Variants in EDIL3 observed in about 807,000 individuals in gnomAD.
EDIL3 encodes EGF-like repeat and discoidin I-like domain-containing protein 3.
In EDIL3, 37 loss-of-function variants were observed where a neutral mutation model predicts 67.4. That is an observed-to-expected ratio of 0.55 (90% CI 0.42 to 0.72). The LOEUF is 0.72. Among genes scored for constraint, EDIL3 ranks in the 30% least tolerant of loss-of-function variants. EDIL3 has a pLI of 0.00. For missense variants in EDIL3, 527 were observed against 586.3 expected, an observed-to-expected ratio of 0.90 and a Z score of 1.04; for synonymous variants, 195 against 196.3, an observed-to-expected ratio of 0.99 and a Z score of 0.05.
chr5:84,217,229 CCT>C (rs974055405), intron 3 of EDIL3, among the ~76,000 whole-genome samples: 2 of 150,984 alleles, frequency 1.3e-5, no homozygotes, highest in African/African-American at 4.9e-5. Flanking sequence ...ATTAAAGAAA[CCT>C]CTAAGTCTGC....
At chr5:84,357,989 T>C (rs1168927467) in intron 1 of EDIL3, among the ~76,000 whole-genome samples, 1 of 150,804 alleles carries the variant, frequency 6.6e-6, no homozygotes, top group Non-Finnish European at 1.5e-5. Context: ...CTGGAGAGAA[T>C]TAGTGGTAGT....
intron 1 of EDIL3, among the ~76,000 whole-genome samples, chr5:84,302,976 A>C (rs1021959392): frequency 1.3e-5 from 2 of 152,198 alleles, no homozygotes; most frequent in African/African-American, 4.8e-5. Flanking sequence ...AATCAGAGAG[A>C]GATAGGTAGC....
rs901626758 is a variant in EDIL3, at chr5:84,189,264, G to A, written c.227-8743C>T. Among the ~76,000 whole-genome samples, 7 of 151,972 alleles carry A rather than the reference G, an allele frequency of 4.6e-5. No homozygotes were observed. The East Asian group carries it at 1.4e-3, about 30-fold the overall frequency. ...TTGGGTAGCCAGGGGACATCAAGGA[G>A]AGCCTAGCACTGCATGATAGGAGGA... On this transcript the variant is annotated intron_variant, in intron 3 of 10. Coordinates refer to ENST00000296591, the MANE Select transcript of EDIL3 (RefSeq NM_005711.5).
intron 3 of EDIL3, among the ~76,000 whole-genome samples, chr5:84,204,804 TAAAAA>T (rs11322668): frequency 1.4e-5 from 2 of 138,384 alleles, no homozygotes; most frequent in Non-Finnish European, 3.1e-5. Flanking sequence ...GGCCAATATT[TAAAAA>T]AAAAAAAAAA....
chr5:84,323,287 G>A (rs1039856749), intron 1 of EDIL3, among the ~76,000 whole-genome samples: 1 of 152,014 alleles, frequency 6.6e-6, no homozygotes, highest in African/African-American at 2.4e-5. Flanking sequence ...AACTAAAGTG[G>A]TGATGACTAC....
intron 1 of EDIL3, among the ~76,000 whole-genome samples, chr5:84,322,377 A>T (rs1746666850): frequency 6.6e-6 from 1 of 152,104 alleles, no homozygotes; most frequent in Non-Finnish European, 1.5e-5. Context: ...GAGATGGGAA[A>T]TCTAAAAAGA....
At chr5:84,037,754 G>C (rs2112209908) in intron 9 of EDIL3, among the ~76,000 whole-genome samples, 1 of 152,114 alleles carries the variant, frequency 6.6e-6, no homozygotes, top group South Asian at 2.1e-4. Flanking sequence ...GTAATTCCAT[G>C]GTTATGTTTC....
intron 9 of EDIL3, among the ~76,000 whole-genome samples, chr5:83,975,825 C>T (rs1459362392): frequency 6.6e-6 from 1 of 151,720 alleles, no homozygotes; most frequent in East Asian, 1.9e-4. Context: ...ACAGTGGAAA[C>T]AATCAACATG....
At chr5:84,208,219 CA>C (rs1198198246) in intron 3 of EDIL3, among the ~76,000 whole-genome samples, 1 of 152,082 alleles carries the variant, frequency 6.6e-6, no homozygotes, top group Non-Finnish European at 1.5e-5. Context: ...CAAACAACCC[CA>C]TCAAAAAGTG....
chr5:84,200,399 T>C (rs1437932982), intron 3 of EDIL3, among the ~76,000 whole-genome samples: 4 of 151,938 alleles, frequency 2.6e-5, no homozygotes, highest in Admixed American at 2.0e-4. Flanking sequence ...GACATAAAAA[T>C]AATTAATATT....
chr5:84,209,245 G>A (rs1475447918), intron 3 of EDIL3, among the ~76,000 whole-genome samples: 1 of 151,512 alleles, frequency 6.6e-6, no homozygotes, highest in African/African-American at 2.4e-5. Context: ...GGAGAGGGGA[G>A]GGATAGCATT....
intron 5 of EDIL3, among the ~76,000 whole-genome samples, chr5:84,128,226 G>C (rs1747900279): frequency 6.6e-6 from 1 of 152,046 alleles, no homozygotes; most frequent in Non-Finnish European, 1.5e-5. Flanking sequence ...TGAGAGCTCA[G>C]GAAATCATGC....
At chr5:84,143,964 G>A (rs983325836) in intron 4 of EDIL3, among the ~76,000 whole-genome samples, 1 of 151,982 alleles carries the variant, frequency 6.6e-6, no homozygotes, top group African/African-American at 2.4e-5. Context: ...TCCCTTGCTT[G>A]GGGCAGGTGC....
At chr5:84,367,770 C>T (rs1014380701) in intron 1 of EDIL3, among the ~76,000 whole-genome samples, 4 of 152,050 alleles carry the variant, frequency 2.6e-5, no homozygotes, top group East Asian at 1.9e-4. Context: ...GATGATGGAG[C>T]GAGACTCTGT....
chr5:84,268,131 C>T (rs372084752), intron 1 of EDIL3, among the ~76,000 whole-genome samples: 5 of 149,878 alleles, frequency 3.3e-5, no homozygotes, highest in South Asian at 4.2e-4. Context: ...AGTGAGATCT[C>T]GTCTCCAATA....
At chr5:84,087,536 A>C (rs1188820787) in intron 6 of EDIL3, among the ~76,000 whole-genome samples, 1 of 152,254 alleles carries the variant, frequency 6.6e-6, no homozygotes, top group Non-Finnish European at 1.5e-5. Flanking sequence ...TGAGCAAATA[A>C]AAAATATTCT....
At chr5:84,214,969 C>T (rs529584834) in intron 3 of EDIL3, among the ~76,000 whole-genome samples, 180 of 152,256 alleles carry the variant, frequency 1.2e-3, no homozygotes, top group Non-Finnish European at 2.2e-3. Context: ...ATCTGCCCAC[C>T]GTGGCCTCCC....
intron 9 of EDIL3, among the ~76,000 whole-genome samples, chr5:84,037,741 A>C (rs1390332238): frequency 6.6e-6 from 1 of 152,174 alleles, no homozygotes. Context: ...CGGGAAGAAC[A>C]CTGTAATTCC....
intron 4 of EDIL3, among the ~76,000 whole-genome samples, chr5:84,156,867 C>T (rs1031265037): frequency 6.6e-6 from 1 of 152,122 alleles, no homozygotes; most frequent in Non-Finnish European, 1.5e-5. Flanking sequence ...AAAAATTTAG[C>T]ATCCACCAGA....
Sources: allele counts gnomAD v4.1 joint callset (sites outside exome capture counted in the v4.1 genomes callset), GRCh38; gene constraint gnomAD v4.1.1; transcripts MANE v1.5; gene names NCBI Gene and HGNC (gene_info 2026-07-23, HGNC 2026-07-21).